The following SOX5 variants were observed in gnomAD, a reference collection of about 807,000 sequenced individuals.
SOX5 encodes SRY-box transcription factor 5.
Under a neutral mutation model 92.0 loss-of-function variants are expected in SOX5, and 9 were observed. The observed-to-expected ratio is 0.10, with a 90% CI of 0.06 to 0.17. SOX5 has a LOEUF of 0.17. Among genes scored for constraint, SOX5 ranks in the 10% least tolerant of loss-of-function variants. SOX5 has a pLI of 1.00. For synonymous variants in SOX5, 344 were observed against 336.3 expected (o/e 1.02, Z -0.25); for missense variants, 642 against 944.5 (o/e 0.68, Z 4.20).
At chr12:24,484,528 G>A (rs938824951) in intron 1 of SOX5, among the ~76,000 whole-genome samples, 2 of 152,120 alleles carry the variant, frequency 1.3e-5, no homozygotes, top group African/African-American at 2.4e-5. Flanking sequence ...TTTGGACTAT[G>A]GTGGGCCTAT....
At chr12:23,869,957 A>G (rs1435647252) in intron 2 of SOX5, among the ~76,000 whole-genome samples, 1 of 152,124 alleles carries the variant, frequency 6.6e-6, no homozygotes, top group Non-Finnish European at 1.5e-5. Flanking sequence ...TGCTTTTCTC[A>G]TGTTGAAATC....
rs77985126 is a variant in SOX5 at position 24,190,260 on chromosome 12, T to C, written c.-2+23083A>G. Among the ~76,000 whole-genome samples the C allele has an allele frequency of 3.7e-3, 565 of 152,294 alleles. 5 individuals carry two copies. The highest frequency in any genetic ancestry group is 0.013 in the African/African-American group (545 of 41,566). ...TGGATCCGCTAGAGAAAGAAGACCC[T>C]GTGTCATTTCCAAACTCCAGAATGT... On this transcript the variant is annotated intron_variant, in intron 4 of 4. Transcript: ENST00000446891.
At chr12:24,523,699 T>G (rs1367851125) in intron 1 of SOX5, among the ~76,000 whole-genome samples, 1 of 152,116 alleles carries the variant, frequency 6.6e-6, no homozygotes, top group South Asian at 2.1e-4. Flanking sequence ...GGCAAAAGAA[T>G]GAAATTATAC....
intron 2 of SOX5, among the ~76,000 whole-genome samples, chr12:24,337,683 G>A (rs1319390540): frequency 6.6e-6 from 1 of 152,092 alleles, no homozygotes; most frequent in African/African-American, 2.4e-5. Flanking sequence ...CGGTAGACAT[G>A]TATTACATCA....
At chr12:24,358,692 G>A (rs1358305483) in intron 2 of SOX5, among the ~76,000 whole-genome samples, 1 of 152,046 alleles carries the variant, frequency 6.6e-6, no homozygotes, top group African/African-American at 2.4e-5. Flanking sequence ...CAATAAAAGT[G>A]GAAGGTTACT....
At chr12:24,069,336 C>A (rs1941404018) in intron 4 of SOX5, among the ~76,000 whole-genome samples, 1 of 152,168 alleles carries the variant, frequency 6.6e-6, no homozygotes, top group Admixed American at 6.5e-5. Context: ...GTACATCAAA[C>A]TAAAGTTTCA....
chr12:24,561,636 A>G (rs1954354134), intron 1 of SOX5, among the ~76,000 whole-genome samples: 1 of 152,082 alleles, frequency 6.6e-6, no homozygotes, highest in South Asian at 2.1e-4. Context: ...GGTGGGGGGA[A>G]AAAGTAGTTG....
chr12:23,755,769 T>C (rs2094347775), intron 3 of SOX5, 45 bp from the exon 4 acceptor site: 7 of 1,255,720 alleles, frequency 5.6e-6, no homozygotes, highest in Non-Finnish European at 7.8e-6. Context: ...ATGACTCTCC[T>C]TACAATGGAG....
intron 2 of SOX5, among the ~76,000 whole-genome samples, chr12:23,893,114 G>C (rs2097144751): frequency 6.6e-6 from 1 of 152,166 alleles, no homozygotes; most frequent in Admixed American, 6.5e-5. Flanking sequence ...AGTGTAGGCA[G>C]TTCATCGTTT....
At chr12:24,176,326 T>C (rs1954808247) in intron 4 of SOX5, among the ~76,000 whole-genome samples, 1 of 151,848 alleles carries the variant, frequency 6.6e-6, no homozygotes, top group African/African-American at 2.4e-5. Flanking sequence ...GAGACCCTGT[T>C]TTGGGGAAGA....
intron 6 of SOX5, among the ~76,000 whole-genome samples, chr12:23,726,304 C>T (rs193228037): frequency 3.3e-5 from 5 of 152,202 alleles, no homozygotes; most frequent in Middle Eastern, 3.4e-3. Flanking sequence ...GAATGTATGT[C>T]TTGAATCATG....
chr12:23,560,055 G>A (rs777455200), intron 11 of SOX5, among the ~76,000 whole-genome samples: 11 of 152,076 alleles, frequency 7.2e-5, no homozygotes, highest in Middle Eastern at 3.4e-3. Context: ...GATTACAGGC[G>A]TGCACCACCA....
At position 24,286,457 on chromosome 12, in the gene SOX5, G is replaced by T. The variant is rs569379280; in HGVS notation, c.-173-9145C>A. Among the ~76,000 whole-genome samples, 18 of 152,304 alleles carry T rather than the reference G, an allele frequency of 1.2e-4. No individual in the cohort carries two copies. The South Asian group carries it at 3.7e-3, about 32-fold the overall frequency. On this transcript the variant is annotated intron_variant, in intron 2 of 4. Transcript: ENST00000446891. ...GAGGGCCAGTCATAAAGTACAATCA[G>T]ATATTTGAAGGGTTGTCATTTGGAA...
chr12:24,118,499 G>A (rs1033001957), intron 4 of SOX5, among the ~76,000 whole-genome samples: 8 of 151,802 alleles, frequency 5.3e-5, no homozygotes, highest in South Asian at 4.2e-4. Context: ...AATCATAGAC[G>A]AGAAACTACT....
intron 3 of SOX5, among the ~76,000 whole-genome samples, chr12:24,257,197 A>G (rs1594866104): frequency 6.6e-6 from 1 of 152,330 alleles, no homozygotes; most frequent in East Asian, 1.9e-4. Context: ...AGTCAGAGAA[A>G]GGCCTTAGGA....
intron 1 of SOX5, among the ~76,000 whole-genome samples, chr12:24,418,866 T>C (rs1172402051): frequency 6.6e-6 from 1 of 152,194 alleles, no homozygotes; most frequent in African/African-American, 2.4e-5. Flanking sequence ...AAACTGGGCA[T>C]CAGGGCAGGT....
intron 3 of SOX5, among the ~76,000 whole-genome samples, chr12:23,803,366 T>G (rs2095699404): frequency 6.6e-6 from 1 of 152,308 alleles, no homozygotes; most frequent in South Asian, 2.1e-4. Flanking sequence ...TCACAAGTCA[T>G]TTTGCATCTT....
intron 1 of SOX5, among the ~76,000 whole-genome samples, chr12:24,487,781 T>TC: frequency 6.6e-6 from 1 of 152,138 alleles, no homozygotes; most frequent in East Asian, 1.9e-4. Flanking sequence ...CCTGTTTTAC[T>TC]AAAGACCCAG....
intron 1 of SOX5, among the ~76,000 whole-genome samples, chr12:24,448,755 A>C (rs1185262956): frequency 1.3e-5 from 2 of 152,100 alleles, no homozygotes; most frequent in Non-Finnish European, 2.9e-5. Flanking sequence ...CGTTATTGGA[A>C]TAATGTGGAG....
Sources: allele counts gnomAD v4.1 joint callset (sites outside exome capture counted in the v4.1 genomes callset), GRCh38; gene constraint gnomAD v4.1.1; transcripts MANE v1.5; gene names NCBI Gene and HGNC (gene_info 2026-07-23, HGNC 2026-07-21).